The following CNTN3 variants were observed in gnomAD, a reference collection of about 807,000 sequenced individuals.
CNTN3 encodes contactin-3.
In CNTN3, 60 loss-of-function variants were observed where a neutral mutation model predicts 119.1. That is an observed-to-expected ratio of 0.50 (90% CI 0.41 to 0.62). CNTN3 has a LOEUF of 0.62. Among genes scored for constraint, CNTN3 ranks in the 20% least tolerant of loss-of-function variants. CNTN3 has a pLI of 0.00. For missense variants in CNTN3, 1,101 were observed against 1,242.4 expected (o/e 0.89, Z 1.71); for synonymous variants, 450 against 438.7 (o/e 1.03, Z -0.32).
At chr3:74,450,502 G>GT (rs35264458) in intron 4 of CNTN3, among the ~76,000 whole-genome samples, 76 of 128,246 alleles carry the variant, frequency 5.9e-4, no homozygotes, top group East Asian at 1.4e-3. Context: ...CTGAAGCCCT[G>GT]TTTTTTTTTT....
At chr3:74,389,164 A>G (rs1704831703) in intron 5 of CNTN3, among the ~76,000 whole-genome samples, 1 of 152,232 alleles carries the variant, frequency 6.6e-6, no homozygotes, top group Non-Finnish European at 1.5e-5. Flanking sequence ...GGCAAACTTT[A>G]TGGAATTATA....
chr3:74,563,793 T>C (rs1376735069), intron 1 of CNTN3, among the ~76,000 whole-genome samples: 1 of 152,136 alleles, frequency 6.6e-6, no homozygotes, highest in Admixed American at 6.6e-5. Flanking sequence ...AGACACTTCG[T>C]TTTCATGACA....
chr3:74,414,214 T>C (rs1035301073), intron 5 of CNTN3, among the ~76,000 whole-genome samples: 5 of 152,134 alleles, frequency 3.3e-5, no homozygotes, highest in Non-Finnish European at 7.3e-5. Context: ...AAAATTATCC[T>C]CATACTTTTG....
intron 5 of CNTN3, among the ~76,000 whole-genome samples, chr3:74,402,979 T>C (rs1705235590): frequency 6.6e-6 from 1 of 152,166 alleles, no homozygotes; most frequent in South Asian, 2.1e-4. Context: ...CTAGGTATTC[T>C]GAAGGGTTAG....
At chr3:74,483,931 G>A (rs13078817) in intron 4 of CNTN3, among the ~76,000 whole-genome samples, 28 of 151,842 alleles carry the variant, frequency 1.8e-4, no homozygotes, top group African/African-American at 6.8e-4. Context: ...GAGGTATTTT[G>A]TCATACATGT....
At chr3:74,518,492 C>T (rs762681842) in intron 2 of CNTN3, among the ~76,000 whole-genome samples, 5 of 151,850 alleles carry the variant, frequency 3.3e-5, no homozygotes, top group African/African-American at 4.8e-5. Context: ...GAAGAAATGA[C>T]AGCCACTTGA....
chr3:74,356,872 GCT>G (rs1163130918), intron 11 of CNTN3, among the ~76,000 whole-genome samples: 12 of 152,080 alleles, frequency 7.9e-5, no homozygotes, highest in African/African-American at 2.9e-4. Flanking sequence ...TAATTGCAAA[GCT>G]GTTATTGTGC....
chr3:74,365,135 T>C (rs1340117812), intron 9 of CNTN3, among the ~76,000 whole-genome samples: 2 of 152,050 alleles, frequency 1.3e-5, no homozygotes, highest in Non-Finnish European at 2.9e-5. Context: ...AAAAATTACA[T>C]GGCTTGAGAA....
chr3:74,507,672 C>T (rs1417476466), intron 2 of CNTN3, among the ~76,000 whole-genome samples: 3 of 138,618 alleles, frequency 2.2e-5, no homozygotes, highest in South Asian at 2.2e-4. Flanking sequence ...TGTTCTGTCA[C>T]GCAGGCTGCA....
chr3:74,424,836 A>G lies in CNTN3; in HGVS notation c.454+9T>C. The G allele has an allele frequency of 6.2e-7, 1 of 1,612,176 alleles. No individual in the cohort carries two copies. ...TAAATATGAAAAGCAGAAACAGAGC[A>G]TGACTTACCTCCAGAGTGTGGTGGG... On this transcript the variant is annotated intron_variant, in intron 5 of 22. Coordinates refer to ENST00000263665, the MANE Select transcript of CNTN3 (RefSeq NM_020872.3).
intron 2 of CNTN3, among the ~76,000 whole-genome samples, chr3:74,510,391 C>T (rs914604819): frequency 6.6e-6 from 1 of 152,098 alleles, no homozygotes; most frequent in East Asian, 1.9e-4. Context: ...TGATCATCTA[C>T]ACCCCGTGCA....
Position 74,361,815 on chromosome 3 carries a change from A to C in CNTN3, c.1364+75T>G, listed in dbSNP as rs1038495302. 4.2e-6 allele frequency: 6 copies of C among 1,423,080 alleles called. No homozygotes were observed. In the Admixed American group the frequency reaches 9.7e-5, roughly 23 times the overall value. The allele number at this position is 1,423,080 out of a possible 1,614,324, so 88.2% of individuals were successfully genotyped here. ...GAAATGCTATTTTGTTTCATTTCAT[A>C]TTTAAAACCTATGTTGACATCAGTA... On this transcript the variant is annotated intron_variant, in intron 11 of 22. Coordinates refer to ENST00000263665, the MANE Select transcript of CNTN3 (RefSeq NM_020872.3).
intron 1 of CNTN3, among the ~76,000 whole-genome samples, chr3:74,606,411 T>C (rs1040951437): frequency 6.6e-6 from 1 of 151,920 alleles, no homozygotes; most frequent in African/African-American, 2.4e-5. Context: ...CTAATCTATG[T>C]CTTATGCATT....
chr3:74,299,841 T>A (rs763133429), intron 17 of CNTN3, 27 bp downstream of exon 17: 7 of 1,589,572 alleles, frequency 4.4e-6, no homozygotes, highest in Non-Finnish European at 6.0e-6. Context: ...AAGACCCTGA[T>A]GGGGAAGATG....
intron 1 of CNTN3, among the ~76,000 whole-genome samples, chr3:74,559,747 G>A (rs148683183): frequency 6.6e-6 from 1 of 152,148 alleles, no homozygotes; most frequent in African/African-American, 2.4e-5. Context: ...ATTTCAATCT[G>A]TTTTCTTCTC....
chr3:74,342,024 T>A (rs1477627872), intron 11 of CNTN3, among the ~76,000 whole-genome samples: 25 of 152,234 alleles, frequency 1.6e-4, no homozygotes, highest in African/African-American at 5.3e-4. Context: ...ATAACAAGGC[T>A]CTTTTAGATG....
chr3:74,510,422 G>A (rs1703345747), intron 2 of CNTN3, among the ~76,000 whole-genome samples: 1 of 152,028 alleles, frequency 6.6e-6, no homozygotes, highest in African/African-American at 2.4e-5. Flanking sequence ...AGTACCATCA[G>A]TACAGGTACA....
chr3:74,504,191 A>G (rs776113793), intron 2 of CNTN3, among the ~76,000 whole-genome samples: 2 of 152,300 alleles, frequency 1.3e-5, no homozygotes, highest in East Asian at 1.9e-4. Flanking sequence ...TTACTGATTT[A>G]TGTCATATCT....
intron 3 of CNTN3, among the ~76,000 whole-genome samples, chr3:74,490,547 T>C (rs1177166484): frequency 6.6e-6 from 1 of 152,178 alleles, no homozygotes; most frequent in Admixed American, 6.5e-5. Context: ...TTCTTACATA[T>C]TTAACAGATG....
Sources: gnomAD v4.1 joint callset for allele counts (sites outside exome capture counted in the v4.1 genomes callset) on GRCh38, gnomAD v4.1.1 for gene constraint, MANE v1.5 for transcripts, NCBI Gene and HGNC (gene_info 2026-07-23, HGNC 2026-07-21) for gene names.